Variants in SHISAL1 observed in about 807,000 individuals in gnomAD.
SHISAL1 encodes the protein protein shisa-like-1.
A neutral mutation model predicts 22.6 loss-of-function variants in SHISAL1; 9 were observed. The ratio of observed to expected loss-of-function variants is 0.40; its 90% CI spans 0.24 to 0.70. SHISAL1 has a LOEUF of 0.70. SHISAL1 is among the 30% of genes least tolerant of loss of function. SHISAL1 has a pLI of 0.39. For synonymous variants in SHISAL1, 119 were observed against 115.4 expected, an observed-to-expected ratio of 1.03 and a Z score of -0.20; for missense variants, 246 against 270.6, an observed-to-expected ratio of 0.91 and a Z score of 0.64.
At chr22:44,287,285 T>G (rs1032557170) in intron 3 of SHISAL1, among the ~76,000 whole-genome samples, 3 of 152,190 alleles carry the variant, frequency 2.0e-5, no homozygotes, top group Non-Finnish European at 4.4e-5. Flanking sequence ...TGGGGGCTGC[T>G]TCCCTTGGGC....
At position 44,247,003 on chromosome 22, in the gene SHISAL1, T is replaced by A. The variant is rs1221496438; in HGVS notation, c.*2682A>T. On this transcript the variant is annotated 3_prime_UTR_variant, in exon 5 of 5. Coordinates refer to ENST00000381176, the MANE Select transcript of SHISAL1 (RefSeq NM_001099294.2). ...TTTTTCAGTTATTCCTGAAAAGACC[T>A]CTTGCGGGGAGGGGGGCAGGCAGGA... 1 of 152,330 alleles carries A rather than the reference T, an allele frequency of 6.6e-6. No individual in the cohort carries two copies. The highest frequency in any genetic ancestry group is 1.5e-5 in the Non-Finnish European group (1 of 68,222). 9.4% of individuals were successfully genotyped at this position (152,330 alleles called of 1,614,324 possible).
chr22:44,274,011 A>T (rs1403557082), intron 4 of SHISAL1, among the ~76,000 whole-genome samples: 1 of 152,098 alleles, frequency 6.6e-6, no homozygotes, highest in East Asian at 1.9e-4. Context: ...TGAGGTCAGG[A>T]GTTCGAGACC....
At chr22:44,256,179 GGGTCTCAGGACTGGAACTCACACCATCA>G (rs1402543072) in intron 4 of SHISAL1, among the ~76,000 whole-genome samples, 5 of 151,910 alleles carry the variant, frequency 3.3e-5, no homozygotes, top group South Asian at 4.2e-4. Context: ...CGGCTCTCCT[GGGTCTCAGGACTGGAACTCACACCATCA>G]GCTCTCCTGG....
intron 4 of SHISAL1, among the ~76,000 whole-genome samples, chr22:44,264,277 G>A (rs2055146419): frequency 6.6e-6 from 1 of 152,200 alleles, no homozygotes; most frequent in Non-Finnish European, 1.5e-5. Flanking sequence ...GTAAAGTGAG[G>A]CTCAGAGCCA....
chr22:44,302,521 C>A (rs950559593), intron 1 of SHISAL1, among the ~76,000 whole-genome samples: 1 of 152,176 alleles, frequency 6.6e-6, no homozygotes, highest in African/African-American at 2.4e-5. Context: ...GTAAGGAGGG[C>A]CTCTCTGAGA....
At chr22:44,313,682 C>CT (rs1326772452), upstream of SHISAL1, among the ~76,000 whole-genome samples, 5 of 152,160 alleles carry the variant, frequency 3.3e-5, no homozygotes, top group East Asian at 9.7e-4. Flanking sequence ...GGCACCCCCC[C>CT]AGCCCATGGC....
chr22:44,252,873 C>A (rs1474165319), intron 4 of SHISAL1, among the ~76,000 whole-genome samples: 1 of 151,770 alleles, frequency 6.6e-6, no homozygotes, highest in Non-Finnish European at 1.5e-5. Flanking sequence ...TGGGTGCCTG[C>A]AGTCCCAGCT....
intron 4 of SHISAL1, among the ~76,000 whole-genome samples, chr22:44,257,157 C>A (rs2055090062): frequency 6.6e-6 from 1 of 152,222 alleles, no homozygotes; most frequent in African/African-American, 2.4e-5. Context: ...CAATTTGACA[C>A]ATGCCTATGG....
chr22:44,278,273 T>C (rs2055253352), intron 4 of SHISAL1, among the ~76,000 whole-genome samples: 1 of 152,216 alleles, frequency 6.6e-6, no homozygotes, highest in Admixed American at 6.5e-5. Context: ...CCAACCAAGT[T>C]CTTCAGCTTT....
Position 44,249,435 on chromosome 22 carries a change from A to T in SHISAL1, c.*250T>A. 2.2e-6 allele frequency: 1 copy of T among 459,502 alleles called. No homozygotes were observed. The highest frequency in any genetic ancestry group is 3.7e-5 in the East Asian group (1 of 27,070). The allele number at this position is 459,502 out of a possible 1,614,324, so 28.5% of individuals were successfully genotyped here. A position where few individuals can be genotyped will look rare whatever the true frequency, so the allele number is the denominator to read the frequency against. ...TCACCTCTCAGAAGCCACCAGCCCAAAATAGGACTATTGCTTGCGGACAGG... is the reference window on the plus strand; with the variant it reads ...TCACCTCTCAGAAGCCACCAGCCCATAATAGGACTATTGCTTGCGGACAGG... On this transcript the variant is annotated 3_prime_UTR_variant, in exon 5 of 5. Coordinates refer to ENST00000381176, the MANE Select transcript of SHISAL1 (RefSeq NM_001099294.2).
At position 44,244,836 on chromosome 22, in the gene SHISAL1, C is replaced by G. The variant is rs1008490645; in HGVS notation, c.*4849G>C. 1.3e-5 allele frequency: 2 copies of G among 152,220 alleles called. No individual in the cohort carries two copies. The highest frequency in any genetic ancestry group is 1.9e-4 in the East Asian group (1 of 5,192). The allele number at this position is 152,220 out of a possible 1,614,324, so 9.4% of individuals were successfully genotyped here. A position where few individuals can be genotyped will look rare whatever the true frequency, so the allele number is the denominator to read the frequency against. On this transcript the variant is annotated 3_prime_UTR_variant, in exon 5 of 5. Coordinates refer to ENST00000381176, the MANE Select transcript of SHISAL1 (RefSeq NM_001099294.2). ...TTTTCTAGGAGGCTCCTCACCTCTT[C>G]TAGCTTGCCTGACTGCTTAACTTTA...
Position 44,296,837 on chromosome 22 carries a change from C to A in SHISAL1, c.116G>T (p.Gly39Val). Residue 39 changes from glycine (G) to valine (V), a missense_variant, in exon 3 of 5, where the codon GGC (glycine) becomes GTC (valine). Physicochemically the swap from Gly to Val is moderately radical, Grantham distance 109. This residue lies in a region of SHISAL1 where 110 missense variants were observed against 153.1 expected (regional missense o/e 0.72). Coordinates refer to ENST00000381176, the MANE Select transcript of SHISAL1 (RefSeq NM_001099294.2). ...RVCEPYTDHK[G>V]RYHFGFHCPR... ...GCAGTGGAAGCCAAAGTGGTAGCGG[C>A]CTTTGTGGTCTGTGTATGGTTCACA... 6.2e-7 allele frequency: 1 copy of A among 1,613,348 alleles called. No individual in the cohort carries two copies. Among genetic ancestry groups the A allele is most frequent in the Non-Finnish European group, 8.5e-7 (1 of 1,180,008 alleles).
chr22:44,291,875 A>G (rs910410759), intron 3 of SHISAL1, among the ~76,000 whole-genome samples: 5 of 151,872 alleles, frequency 3.3e-5, no homozygotes. Flanking sequence ...CTGAGTCGCC[A>G]TTGCTGGTGT....
At chr22:44,274,151 C>A (rs1212365369) in intron 4 of SHISAL1, among the ~76,000 whole-genome samples, 1 of 150,062 alleles carries the variant, frequency 6.7e-6, no homozygotes, top group Non-Finnish European at 1.5e-5. Flanking sequence ...GAAGCCAAGG[C>A]AGGAGAATCA....
intron 4 of SHISAL1, among the ~76,000 whole-genome samples, chr22:44,277,345 CCTG>C (rs2055246824): frequency 6.6e-6 from 1 of 152,194 alleles, no homozygotes; most frequent in Non-Finnish European, 1.5e-5. Flanking sequence ...GGGCAAGCTG[CCTG>C]CTGGAGGCCC....
intron 3 of SHISAL1, among the ~76,000 whole-genome samples, chr22:44,296,462 T>C (rs1227018306): frequency 6.6e-6 from 1 of 152,250 alleles, no homozygotes; most frequent in Non-Finnish European, 1.5e-5. Context: ...GCCTGGCCTC[T>C]GTGTCCATTT....
chr22:44,276,984 C>G (rs1441323169), intron 4 of SHISAL1, among the ~76,000 whole-genome samples: 1 of 152,206 alleles, frequency 6.6e-6, no homozygotes, highest in Admixed American at 6.5e-5. Context: ...TCCCCAGTTC[C>G]CCTCAGCCCC....
chr22:44,276,866 C>A (rs2055243532), intron 4 of SHISAL1, among the ~76,000 whole-genome samples: 6 of 151,942 alleles, frequency 3.9e-5, no homozygotes, highest in Admixed American at 3.9e-4. Flanking sequence ...AAGGGAGGAG[C>A]GCTTGTGTCT....
At chr22:44,299,152 G>A (rs1255601419) in intron 2 of SHISAL1, among the ~76,000 whole-genome samples, 1 of 152,198 alleles carries the variant, frequency 6.6e-6, no homozygotes, top group Non-Finnish European at 1.5e-5. Flanking sequence ...GCTGTAAAGG[G>A]CAGTAAAGGG....
Sources: allele counts gnomAD v4.1 joint callset (sites outside exome capture counted in the v4.1 genomes callset), GRCh38; gene constraint gnomAD v4.1.1; regional missense constraint gnomAD v4.1.1; transcripts MANE v1.5; gene names NCBI Gene and HGNC (gene_info 2026-07-23, HGNC 2026-07-21).